The following CALN1 variants were observed in gnomAD, a reference collection of about 807,000 sequenced individuals.
The protein encoded by CALN1 is calcium-binding protein 8.
Under a neutral mutation model 30.6 loss-of-function variants are expected in CALN1, and 17 were observed. The observed-to-expected ratio is 0.56, with a 90% CI of 0.38 to 0.83. The LOEUF is 0.83. Ranked by LOEUF, CALN1 falls within the 40% of genes least tolerant of loss-of-function variation. CALN1 has a pLI of 0.00. For synonymous variants in CALN1, 156 were observed against 131.4 expected (o/e 1.19, Z -1.28); for missense variants, 291 against 354.9 (o/e 0.82, Z 1.45).
chr7:72,100,127 C>T (rs979223002), intron 4 of CALN1, among the ~76,000 whole-genome samples: 4 of 149,846 alleles, frequency 2.7e-5, no homozygotes, highest in African/African-American at 9.9e-5. Context: ...GGGCCGAAGA[C>T]GCTTAAATCT....
At chr7:72,065,894 A>C (rs1803988346) in intron 4 of CALN1, among the ~76,000 whole-genome samples, 1 of 147,942 alleles carries the variant, frequency 6.8e-6, no homozygotes, top group Non-Finnish European at 1.5e-5. Flanking sequence ...ACTCCATCTC[A>C]AAAAAAGAAA....
At chr7:72,317,048 G>GAGAAAGAGAGACAC (rs1554366996) in intron 2 of CALN1, among the ~76,000 whole-genome samples, 49 of 141,964 alleles carry the variant, frequency 3.5e-4, no homozygotes, top group African/African-American at 8.2e-4. Context: ...AAGAGAGAGA[G>GAGAAAGAGAGACAC]AGAAAGAGAG....
intron 3 of CALN1, among the ~76,000 whole-genome samples, chr7:72,239,238 A>C (rs1794680322): frequency 6.6e-6 from 1 of 152,090 alleles, no homozygotes. Flanking sequence ...CTTTCCAAAA[A>C]AATAAATAAA....
intron 4 of CALN1, among the ~76,000 whole-genome samples, chr7:72,071,000 T>C (rs954618847): frequency 6.6e-6 from 1 of 152,232 alleles, no homozygotes; most frequent in African/African-American, 2.4e-5. Context: ...TTTCCCCACC[T>C]GGACAACAAT....
At chr7:72,316,285 A>C (rs1040742616) in intron 2 of CALN1, among the ~76,000 whole-genome samples, 7 of 152,038 alleles carry the variant, frequency 4.6e-5, no homozygotes, top group African/African-American at 1.4e-4. Flanking sequence ...GAAAATGTTG[A>C]AGTGGGAGAA....
chr7:72,463,189 T>C, the CALN1 span, among the ~76,000 whole-genome samples: 1 of 152,130 alleles, frequency 6.6e-6, no homozygotes, highest in African/African-American at 2.4e-5. Context: ...TGGCACGATC[T>C]TGGCTCACTG....
intron 5 of CALN1, among the ~76,000 whole-genome samples, chr7:72,016,107 G>A (rs1199827796): frequency 1.3e-5 from 2 of 151,844 alleles, no homozygotes; most frequent in Non-Finnish European, 2.9e-5. Flanking sequence ...AAATTAGCTG[G>A]GTATGGTGGT....
intron 5 of CALN1, among the ~76,000 whole-genome samples, chr7:71,980,467 G>C (rs1798336970): frequency 6.6e-6 from 1 of 152,176 alleles, no homozygotes; most frequent in Non-Finnish European, 1.5e-5. Flanking sequence ...TGGGATTACA[G>C]GTGTGAGCCA....
chr7:72,292,856 G>A (rs1193414824), intron 2 of CALN1, among the ~76,000 whole-genome samples: 1 of 146,370 alleles, frequency 6.8e-6, no homozygotes, highest in Non-Finnish European at 1.5e-5. Flanking sequence ...TATGACTTTT[G>A]GAGAAACACA....
chr7:71,956,053 T>C (rs1303726531), intron 5 of CALN1, among the ~76,000 whole-genome samples: 1 of 151,832 alleles, frequency 6.6e-6, no homozygotes, highest in Admixed American at 6.6e-5. Context: ...AATGGCACTA[T>C]CTCGGTTCAC....
the CALN1 span, among the ~76,000 whole-genome samples, chr7:72,491,720 C>T: frequency 6.6e-6 from 1 of 152,120 alleles, no homozygotes; most frequent in Non-Finnish European, 1.5e-5. Context: ...CAATTAGCTG[C>T]AATGGGGAGG....
chr7:72,300,143 G>A (rs1442257610), intron 2 of CALN1, among the ~76,000 whole-genome samples: 1 of 151,780 alleles, frequency 6.6e-6, no homozygotes, highest in Non-Finnish European at 1.5e-5. Flanking sequence ...TCCTCCCAAA[G>A]TGCTGGGATT....
At chr7:71,861,672 G>A (rs1410948954) in intron 5 of CALN1, among the ~76,000 whole-genome samples, 1 of 151,428 alleles carries the variant, frequency 6.6e-6, no homozygotes, top group African/African-American at 2.4e-5. Context: ...CCAGCTACTC[G>A]GGAGGCTGAG....
intron 4 of CALN1, among the ~76,000 whole-genome samples, chr7:72,075,946 T>C (rs890046914): frequency 1.4e-4 from 21 of 152,058 alleles, no homozygotes; most frequent in Admixed American, 4.6e-4. Flanking sequence ...GCATAGGCAC[T>C]CATGGGCATG....
chr7:72,137,249 T>C (rs975212733), intron 3 of CALN1, among the ~76,000 whole-genome samples: 4 of 152,140 alleles, frequency 2.6e-5, no homozygotes, highest in African/African-American at 9.7e-5. Flanking sequence ...GTTGGGATGT[T>C]TCTAGTTATG....
At chr7:72,050,610 T>A (rs1373161988) in intron 4 of CALN1, among the ~76,000 whole-genome samples, 16 of 152,202 alleles carry the variant, frequency 1.1e-4, no homozygotes. Context: ...CAAGATAGTA[T>A]CTTTTAAAGA....
chr7:71,988,525 C>A (rs964781795), intron 5 of CALN1, among the ~76,000 whole-genome samples: 2 of 152,192 alleles, frequency 1.3e-5, no homozygotes, highest in Non-Finnish European at 2.9e-5. Context: ...CGACACATGG[C>A]TGAATTAGTG....
intron 2 of CALN1, among the ~76,000 whole-genome samples, chr7:72,312,845 T>A (rs1290239693): frequency 6.6e-6 from 1 of 151,914 alleles, no homozygotes; most frequent in African/African-American, 2.4e-5. Flanking sequence ...ATAATTTTTT[T>A]TTTTTGAGAT....
intron 5 of CALN1, among the ~76,000 whole-genome samples, chr7:71,917,476 AATTG>A (rs1230104953): frequency 6.6e-6 from 1 of 152,210 alleles, no homozygotes; most frequent in African/African-American, 2.4e-5. Context: ...TATGCTAATT[AATTG>A]ATTGCTGTAT....
Sources: allele counts gnomAD v4.1 joint callset (sites outside exome capture counted in the v4.1 genomes callset), GRCh38; gene constraint gnomAD v4.1.1; transcripts MANE v1.5; gene names NCBI Gene and HGNC (gene_info 2026-07-23, HGNC 2026-07-21).